PGM5: variants seen among roughly 807,000 people sequenced by gnomAD.
PGM5 encodes phosphoglucomutase 5.
In PGM5, 23 loss-of-function variants were observed where a neutral mutation model predicts 59.2. The ratio of observed to expected loss-of-function variants is 0.39; its 90% CI spans 0.28 to 0.55. The LOEUF is 0.55. Ranked by LOEUF, PGM5 falls within the 20% of genes least tolerant of loss-of-function variation. The probability of loss-of-function intolerance (pLI) is 0.66; values close to 1 mark genes in which losing one functional copy is unlikely to be tolerated. For missense variants in PGM5, 574 were observed against 748.3 expected (o/e 0.77, Z 2.72); for synonymous variants, 214 against 286.0 (o/e 0.75, Z 2.54).
intron 6 of PGM5, among the ~76,000 whole-genome samples, chr9:68,449,330 C>T (rs189131739): frequency 3.3e-3 from 510 of 152,316 alleles, no homozygotes; most frequent in Non-Finnish European, 5.5e-3. Flanking sequence ...ACAATTAAGA[C>T]TCAGCTAGCC....
intron 6 of PGM5, among the ~76,000 whole-genome samples, chr9:68,457,780 T>G (rs969062590): frequency 2.0e-5 from 3 of 152,198 alleles, no homozygotes; most frequent in Admixed American, 2.0e-4. Flanking sequence ...TGATTTTAAA[T>G]CTTCCAAGAG....
Position 68,467,814 on chromosome 9 carries a change from G to A in PGM5, c.1159+2606G>A, listed in dbSNP as rs539565765. Reference sequence around the variant, plus strand: ...AATTTGCTTAATGTTTATATGAAGAGAAGCTATTGATTAATATGCTTTTTC... The same window carrying A: ...AATTTGCTTAATGTTTATATGAAGAAAAGCTATTGATTAATATGCTTTTTC... On this transcript the variant is annotated intron_variant, in intron 7 of 10. Coordinates refer to ENST00000396396, the MANE Select transcript of PGM5 (RefSeq NM_021965.4). Among the ~76,000 whole-genome samples the A allele has an allele frequency of 4.6e-5, 7 of 151,736 alleles. No homozygotes were observed. In the South Asian group the frequency reaches 1.5e-3, roughly 31 times the overall value.
chr9:68,438,424 T>A (rs1823474268), intron 6 of PGM5, among the ~76,000 whole-genome samples: 1 of 151,156 alleles, frequency 6.6e-6, no homozygotes, highest in African/African-American at 2.4e-5. Context: ...TCCAAAAATC[T>A]ACCTTTTATC....
intron 10 of PGM5, among the ~76,000 whole-genome samples, chr9:68,502,608 G>C (rs967255006): frequency 6.6e-6 from 1 of 152,162 alleles, no homozygotes. Flanking sequence ...AGTCACACCC[G>C]ATCTCACCCC....
At chr9:68,371,149 G>C (rs2131983378) in intron 1 of PGM5, among the ~76,000 whole-genome samples, 1 of 152,268 alleles carries the variant, frequency 6.6e-6, no homozygotes, top group Non-Finnish European at 1.5e-5. Flanking sequence ...GCATCCACTT[G>C]GGTGTGTGCA....
At chr9:68,408,715 G>A (rs1394164581) in intron 6 of PGM5, among the ~76,000 whole-genome samples, 23 of 152,118 alleles carry the variant, frequency 1.5e-4, no homozygotes, top group Admixed American at 3.9e-4. Flanking sequence ...TAGGTCGAAC[G>A]TTTAAGTCTT....
intron 6 of PGM5, among the ~76,000 whole-genome samples, chr9:68,450,153 T>C (rs187790820): frequency 6.6e-6 from 1 of 152,328 alleles, no homozygotes; most frequent in Admixed American, 6.5e-5. Context: ...TGAATAGAGA[T>C]ATACAATTGC....
chr9:68,473,991 C>A (rs1403505427), intron 7 of PGM5, among the ~76,000 whole-genome samples: 1 of 152,046 alleles, frequency 6.6e-6, no homozygotes, highest in Non-Finnish European at 1.5e-5. Flanking sequence ...TCACTCACTA[C>A]CCCCAGGCAT....
At chr9:68,371,564 CT>C (rs1295944513) in intron 1 of PGM5, 2 of 152,090 alleles carry the variant, frequency 1.3e-5, no homozygotes, top group African/African-American at 4.8e-5. Context: ...TTTATAGAAT[CT>C]GATCTTCGGT....
chr9:68,468,859 G>A (rs1320303428), intron 7 of PGM5, among the ~76,000 whole-genome samples: 2 of 152,176 alleles, frequency 1.3e-5, no homozygotes, highest in African/African-American at 2.4e-5. Context: ...GATGGGAATA[G>A]CTTTCTCTTA....
intron 7 of PGM5, among the ~76,000 whole-genome samples, chr9:68,468,277 T>C (rs544496974): frequency 3.9e-5 from 6 of 152,306 alleles, no homozygotes; most frequent in African/African-American, 1.2e-4. Flanking sequence ...GAGAACATCA[T>C]GCTTATATAG....
At chr9:68,425,583 G>T (rs10868796) in intron 6 of PGM5, among the ~76,000 whole-genome samples, 1 of 151,956 alleles carries the variant, frequency 6.6e-6, no homozygotes, top group Non-Finnish European at 1.5e-5. Context: ...CCTATCCTAA[G>T]CATTATCCTA....
At chr9:68,506,721 C>G (rs1289314227) in intron 10 of PGM5, among the ~76,000 whole-genome samples, 1 of 152,058 alleles carries the variant, frequency 6.6e-6, no homozygotes, top group Non-Finnish European at 1.5e-5. Flanking sequence ...GAAAGAGAAA[C>G]AGAATGGAGT....
intron 10 of PGM5, among the ~76,000 whole-genome samples, chr9:68,507,648 C>G (rs1468440776): frequency 6.6e-6 from 1 of 150,436 alleles, no homozygotes; most frequent in African/African-American, 2.5e-5. Flanking sequence ...AGATTTCCCT[C>G]TAGTGGTGTT....
chr9:68,517,856 G>T (rs1319630569), intron 10 of PGM5, among the ~76,000 whole-genome samples: 3 of 152,224 alleles, frequency 2.0e-5, no homozygotes, highest in Non-Finnish European at 4.4e-5. Flanking sequence ...GTTGACCAAT[G>T]ACCTAATAAA....
intron 10 of PGM5, among the ~76,000 whole-genome samples, chr9:68,525,489 A>C (rs904445840): frequency 2.6e-5 from 4 of 152,242 alleles, no homozygotes; most frequent in African/African-American, 9.6e-5. Context: ...GAAACCTGCT[A>C]CATGGCACTT....
At chr9:68,400,426 C>G (rs144671815) in intron 6 of PGM5, among the ~76,000 whole-genome samples, 8,738 of 152,016 alleles carry the variant, frequency 0.057, 857 homozygotes, top group African/African-American at 0.2. Context: ...AAATGTATTC[C>G]CTTTGCCCCA....
intron 6 of PGM5, among the ~76,000 whole-genome samples, chr9:68,413,425 G>A (rs1161596798): frequency 1.3e-5 from 2 of 152,044 alleles, no homozygotes; most frequent in Non-Finnish European, 2.9e-5. Context: ...ACTCACACAC[G>A]CAAGTACTCA....
At chr9:68,487,150 G>C (rs1204879857) in intron 9 of PGM5, among the ~76,000 whole-genome samples, 4 of 152,146 alleles carry the variant, frequency 2.6e-5, no homozygotes, top group Admixed American at 1.3e-4. Context: ...GTATTCTCTT[G>C]TGTTGGAGTC....
Sources: gnomAD v4.1 joint callset for allele counts (sites outside exome capture counted in the v4.1 genomes callset) on GRCh38, gnomAD v4.1.1 for gene constraint, MANE v1.5 for transcripts, NCBI Gene and HGNC (gene_info 2026-07-23, HGNC 2026-07-21) for gene names.